Variants in ACAP2 observed in about 807,000 individuals in gnomAD.
The protein encoded by ACAP2 is arf-GAP with coiled-coil, ANK repeat and PH domain-containing protein 2.
Under a neutral mutation model 115.8 loss-of-function variants are expected in ACAP2, and 39 were observed. The ratio of observed to expected loss-of-function variants is 0.34; its 90% CI spans 0.26 to 0.44. The LOEUF (loss-of-function observed/expected upper bound fraction) is 0.44. Ranked by LOEUF, ACAP2 falls within the 20% of genes least tolerant of loss-of-function variation. The probability of loss-of-function intolerance (pLI) is 1.00; values close to 1 mark genes in which losing one functional copy is unlikely to be tolerated. For synonymous variants in ACAP2, 289 were observed against 315.8 expected, an observed-to-expected ratio of 0.92 and a Z score of 0.90; for missense variants, 662 against 927.6, an observed-to-expected ratio of 0.71 and a Z score of 3.72.
chr3:195,428,790 T>G (rs1714885222), intron 1 of ACAP2, among the ~76,000 whole-genome samples: 1 of 152,202 alleles, frequency 6.6e-6, no homozygotes, highest in African/African-American at 2.4e-5. Context: ...TATTACCAAA[T>G]GCTAGCAAGA....
At chr3:195,327,751 G>C (rs1219041821) in intron 8 of ACAP2, among the ~76,000 whole-genome samples, 1 of 151,986 alleles carries the variant, frequency 6.6e-6, no homozygotes, top group African/African-American at 2.4e-5. Flanking sequence ...CCAACATAGA[G>C]AAACCCCGTC....
At chr3:195,320,916 T>C (rs1729406529) in intron 9 of ACAP2, 103 bp from the exon 10 acceptor site, 1 of 658,528 alleles carries the variant, frequency 1.5e-6, no homozygotes, top group African/African-American at 1.8e-5. Context: ...AAGGTTTATA[T>C]TAAGACAGTT....
intron 1 of ACAP2, among the ~76,000 whole-genome samples, chr3:195,430,478 C>A (rs1237194281): frequency 6.6e-6 from 1 of 152,056 alleles, no homozygotes; most frequent in African/African-American, 2.4e-5. Flanking sequence ...CTTTGGGAGG[C>A]CGAGGTAGGC....
At chr3:195,287,504 G>A (rs1303640986) in intron 21 of ACAP2, among the ~76,000 whole-genome samples, 2 of 151,740 alleles carry the variant, frequency 1.3e-5, no homozygotes, top group Non-Finnish European at 2.9e-5. Flanking sequence ...TTTTTGTAGA[G>A]ACAGGGCCTC....
chr3:195,396,368 T>C (rs1711775049), intron 1 of ACAP2, among the ~76,000 whole-genome samples: 1 of 151,768 alleles, frequency 6.6e-6, no homozygotes, highest in African/African-American at 2.4e-5. Context: ...CTCAGATAAC[T>C]GCATATTCTT....
chr3:195,333,629 C>T (rs907410079), intron 7 of ACAP2, among the ~76,000 whole-genome samples: 1 of 152,058 alleles, frequency 6.6e-6, no homozygotes, highest in African/African-American at 2.4e-5. Flanking sequence ...TTTTAAAATG[C>T]TCAAAATTTT....
At chr3:195,356,801 T>C (rs1404375818) in intron 4 of ACAP2, among the ~76,000 whole-genome samples, 1 of 151,876 alleles carries the variant, frequency 6.6e-6, no homozygotes, top group African/African-American at 2.4e-5. Context: ...AAAGAGCCCT[T>C]AGACCCTGAA....
At chr3:195,410,872 T>G (rs1012182919) in intron 1 of ACAP2, 5 of 210,620 alleles carry the variant, frequency 2.4e-5, no homozygotes, top group African/African-American at 1.2e-4. Context: ...GAAAGGGTCC[T>G]AATGGTCCCT....
chr3:195,385,945 G>A lies in ACAP2; in HGVS notation c.112-3923C>T, dbSNP rs188857373. On this transcript the variant is annotated intron_variant, in intron 2 of 22. Coordinates refer to ENST00000326793, the MANE Select transcript of ACAP2 (RefSeq NM_012287.6). ...AATAACATTAAGAGTACTCTGAAAG[G>A]GATCATAGCAGCATTATTTACAACA... 9.9e-5 allele frequency among the ~76,000 whole-genome samples: 15 copies of A among 152,186 alleles called. No individual in the cohort carries two copies. In the East Asian group the frequency reaches 2.9e-3, roughly 29 times the overall value.
chr3:195,332,457 A>C (rs1730234328), intron 8 of ACAP2, among the ~76,000 whole-genome samples: 1 of 152,098 alleles, frequency 6.6e-6, no homozygotes. Context: ...TTTACCTTTG[A>C]TTTCATTTTT....
At chr3:195,441,366 T>A (rs1715980332) in intron 1 of ACAP2, among the ~76,000 whole-genome samples, 1 of 152,226 alleles carries the variant, frequency 6.6e-6, no homozygotes, top group African/African-American at 2.4e-5. Flanking sequence ...AGTCCTTCAA[T>A]AATGCAGAAC....
At chr3:195,387,177 T>C (rs1172734746) in intron 2 of ACAP2, among the ~76,000 whole-genome samples, 1 of 152,298 alleles carries the variant, frequency 6.6e-6, no homozygotes, top group Middle Eastern at 3.4e-3. Context: ...ACTTGTTAGA[T>C]GACACTGATA....
At position 195,277,103 on chromosome 3, in the gene ACAP2, AG is replaced by A. The variant is rs1726211521; in HGVS notation, c.*2224del. ...GCCTTCACAACCACAGAGATTCCAG[AG>A]GTGATCTGAATGAAACACGCACCAA... On this transcript the variant is annotated 3_prime_UTR_variant, in exon 23 of 23. Coordinates refer to ENST00000326793, the MANE Select transcript of ACAP2 (RefSeq NM_012287.6). The A allele has an allele frequency of 1.3e-5, 2 of 152,342 alleles. No homozygotes were observed. The highest frequency in any genetic ancestry group is 4.1e-4 in the South Asian group (2 of 4,830). 9.4% of individuals were successfully genotyped at this position (152,342 alleles called of 1,614,324 possible).
At chr3:195,441,564 A>C (rs1215495462) in intron 1 of ACAP2, among the ~76,000 whole-genome samples, 3 of 152,304 alleles carry the variant, frequency 2.0e-5, no homozygotes, top group Non-Finnish European at 2.9e-5. Context: ...CGCTGAAAGG[A>C]GAATAAGAAA....
intron 4 of ACAP2, among the ~76,000 whole-genome samples, chr3:195,370,313 G>A (rs544166976): frequency 9.2e-5 from 14 of 152,032 alleles, no homozygotes; most frequent in Non-Finnish European, 1.8e-4. Flanking sequence ...TGAAATCTTT[G>A]CCAGGGCCTA....
At chr3:195,428,754 A>G (rs1714881754) in intron 1 of ACAP2, among the ~76,000 whole-genome samples, 1 of 152,228 alleles carries the variant, frequency 6.6e-6, no homozygotes, top group South Asian at 2.1e-4. Flanking sequence ...TTATATACTC[A>G]CACAATGGGT....
At chr3:195,357,175 T>C (rs1232467926) in intron 4 of ACAP2, among the ~76,000 whole-genome samples, 3 of 151,832 alleles carry the variant, frequency 2.0e-5, no homozygotes, top group East Asian at 1.9e-4. Context: ...AGTGACAACA[T>C]TGTGGCAGTA....
chr3:195,415,202 T>G (rs549514280), intron 1 of ACAP2, among the ~76,000 whole-genome samples: 2 of 152,142 alleles, frequency 1.3e-5, no homozygotes, highest in Admixed American at 6.6e-5. Context: ...GAAGGTTCTA[T>G]GTGTCAGAGC....
At chr3:195,295,506 A>G (rs1352055627) in intron 17 of ACAP2, 5 of 650,914 alleles carry the variant, frequency 7.7e-6, no homozygotes, top group Non-Finnish European at 1.0e-5. Flanking sequence ...GAATATACAC[A>G]TTACCTAGAA....
Sources: gnomAD v4.1 joint callset for allele counts (sites outside exome capture counted in the v4.1 genomes callset) on GRCh38, gnomAD v4.1.1 for gene constraint, MANE v1.5 for transcripts, NCBI Gene and HGNC (gene_info 2026-07-23, HGNC 2026-07-21) for gene names.